The following COPZ1 variants were observed in gnomAD, a reference collection of about 807,000 sequenced individuals.
COPZ1 encodes coat protein complex I subunit zeta 1, also known as coatomer subunit zeta-1.
Under a neutral mutation model 31.7 loss-of-function variants are expected in COPZ1, and 4 were observed. The observed-to-expected ratio is 0.13, with a 90% CI of 0.06 to 0.29. COPZ1 has a LOEUF of 0.29. Among genes scored for constraint, COPZ1 ranks in the 10% least tolerant of loss-of-function variants. The pLI, the probability that COPZ1 is intolerant of heterozygous loss-of-function variation, is 1.00. For missense variants in COPZ1, 156 were observed against 211.5 expected, an observed-to-expected ratio of 0.74 and a Z score of 1.63; for synonymous variants, 74 against 79.0, an observed-to-expected ratio of 0.94 and a Z score of 0.33.
chr12:54,334,852 G>A (rs891593457), intron 1 of COPZ1, among the ~76,000 whole-genome samples: 3 of 151,978 alleles, frequency 2.0e-5, no homozygotes, highest in South Asian at 2.1e-4. Flanking sequence ...GTGAGACTCC[G>A]TCTCAAAAAA....
At chr12:54,348,175 C>T in intron 7 of COPZ1, 124 bp downstream of exon 7, 5 of 775,276 alleles carry the variant, frequency 6.4e-6, no homozygotes, top group Non-Finnish European at 8.6e-6. Context: ...CTTTTTCTTT[C>T]AAATACATTC....
At chr12:54,348,233 A>G in intron 7 of COPZ1, 182 bp downstream of exon 7, 1 of 607,334 alleles carries the variant, frequency 1.6e-6, no homozygotes, top group Non-Finnish European at 2.9e-6. Flanking sequence ...AAAGAAGCAG[A>G]AATAACTTAT....
At chr12:54,347,049 A>C (rs995799925) in intron 5 of COPZ1, among the ~76,000 whole-genome samples, 1 of 152,178 alleles carries the variant, frequency 6.6e-6, no homozygotes, top group African/African-American at 2.4e-5. Context: ...CCCAGTACAG[A>C]CAGCCATCCA....
chr12:54,350,099 C>T (rs910015816), intron 8 of COPZ1: 19 of 610,018 alleles, frequency 3.1e-5, no homozygotes, highest in South Asian at 2.6e-4. Context: ...GATTGTCTAC[C>T]TGATGTAGGG....
intron 1 of COPZ1, among the ~76,000 whole-genome samples, chr12:54,331,407 C>A (rs1953752522): frequency 6.6e-6 from 1 of 152,076 alleles, no homozygotes; most frequent in African/African-American, 2.4e-5. Flanking sequence ...CCTCGAACTC[C>A]TGACCTTGTG....
chr12:54,336,137 T>C, intron 1 of COPZ1, among the ~76,000 whole-genome samples: 1 of 152,220 alleles, frequency 6.6e-6, no homozygotes, highest in East Asian at 1.9e-4. Context: ...AGTCTTCTGG[T>C]GGCTTACTAA....
intron 2 of COPZ1, among the ~76,000 whole-genome samples, chr12:54,341,745 T>C (rs1460437245): frequency 2.6e-5 from 4 of 152,188 alleles, no homozygotes; most frequent in Non-Finnish European, 5.9e-5. Context: ...GGGTTTGCCT[T>C]TCTTTGGAGG....
intron 1 of COPZ1, among the ~76,000 whole-genome samples, chr12:54,326,124 AATTATT>A (rs377508362): frequency 1.6e-4 from 22 of 139,168 alleles, no homozygotes; most frequent in Admixed American, 5.3e-4. Flanking sequence ...CCTGGCCAGG[AATTATT>A]ATTATTATTA....
chr12:54,330,538 C>T (rs1205342194), intron 1 of COPZ1, among the ~76,000 whole-genome samples: 1 of 152,080 alleles, frequency 6.6e-6, no homozygotes, highest in Non-Finnish European at 1.5e-5. Context: ...TATCAAAGAT[C>T]TAGGGGAGCT....
chr12:54,348,642 C>T (rs1954101551), intron 7 of COPZ1, among the ~76,000 whole-genome samples: 2 of 152,036 alleles, frequency 1.3e-5, no homozygotes, highest in Non-Finnish European at 2.9e-5. Context: ...GAGGCTAAGG[C>T]AGGAGAATTG....
chr12:54,348,630 A>C (rs1468984942), intron 7 of COPZ1, among the ~76,000 whole-genome samples: 1 of 152,110 alleles, frequency 6.6e-6, no homozygotes, highest in Admixed American at 6.5e-5. Flanking sequence ...CCAGCTACTC[A>C]GGAGGCTAAG....
At chr12:54,343,666 A>G (rs1954010868) in intron 4 of COPZ1, among the ~76,000 whole-genome samples, 1 of 152,198 alleles carries the variant, frequency 6.6e-6, no homozygotes, top group Non-Finnish European at 1.5e-5. Flanking sequence ...GTTTGAGCCA[A>G]TTAGCTAACA....
In COPZ1 at chr12:54,326,642, T is replaced by G. The variant is rs904146411; in HGVS notation, c.18+1461T>G. 8.8e-4 allele frequency among the ~76,000 whole-genome samples: 19 copies of G among 21,714 alleles called. No homozygotes were observed. The African/African-American group carries it at 9.1e-3, about 10-fold the overall frequency. 14.2% of individuals were successfully genotyped at this position (21,714 alleles called of 152,430 possible). On this transcript the variant is annotated intron_variant, in intron 1 of 8. Coordinates refer to ENST00000262061, the MANE Select transcript of COPZ1 (RefSeq NM_016057.3). ...TGCCCTATTTTGCGATTTGGAGGGG[T>G]GTGTGTGTGTGTGTGTGTGTGTGTG...
At chr12:54,347,645 C>T (rs1954086915) in intron 5 of COPZ1, 122 bp from the exon 6 acceptor site, 1 of 809,860 alleles carries the variant, frequency 1.2e-6, no homozygotes. Flanking sequence ...ACCTTATTTA[C>T]TTCTTTGTGT....
At chr12:54,335,336 G>A (rs1953840044) in intron 1 of COPZ1, among the ~76,000 whole-genome samples, 1 of 151,750 alleles carries the variant, frequency 6.6e-6, no homozygotes, top group Non-Finnish European at 1.5e-5. Flanking sequence ...TCTTGTTACA[G>A]TTTTTAATTC....
chr12:54,333,684 T>C (rs550853891), intron 1 of COPZ1, among the ~76,000 whole-genome samples: 176 of 152,124 alleles, frequency 1.2e-3, no homozygotes, highest in Non-Finnish European at 1.9e-3. Flanking sequence ...ATTTAAGAGA[T>C]GGATTGTAGG....
intron 1 of COPZ1, among the ~76,000 whole-genome samples, chr12:54,327,899 A>G (rs1953683217): frequency 6.7e-6 from 1 of 148,426 alleles, no homozygotes; most frequent in Non-Finnish European, 1.5e-5. Context: ...AGGTAAAGGA[A>G]TGAGGAAGAT....
At chr12:54,339,492 T>C (rs1393811838) in intron 1 of COPZ1, among the ~76,000 whole-genome samples, 2 of 152,040 alleles carry the variant, frequency 1.3e-5, no homozygotes, top group African/African-American at 4.8e-5. Flanking sequence ...GGACTATAGA[T>C]GCACGCCACC....
intron 1 of COPZ1, among the ~76,000 whole-genome samples, chr12:54,337,563 T>C (rs1953895432): frequency 6.6e-6 from 1 of 152,228 alleles, no homozygotes; most frequent in African/African-American, 2.4e-5. Flanking sequence ...GCTAGTTTTA[T>C]GGCATAGCCC....
Sources: allele counts gnomAD v4.1 joint callset (sites outside exome capture counted in the v4.1 genomes callset), GRCh38; gene constraint gnomAD v4.1.1; transcripts MANE v1.5; gene names NCBI Gene and HGNC (gene_info 2026-07-23, HGNC 2026-07-21).